Variants in SH3GL2 observed in about 807,000 individuals in gnomAD.
The protein encoded by SH3GL2 is endophilin-A1.
In SH3GL2, 24 loss-of-function variants were observed where a neutral mutation model predicts 46.0. The ratio of observed to expected loss-of-function variants is 0.52; its 90% CI spans 0.38 to 0.73. The LOEUF (loss-of-function observed/expected upper bound fraction) is 0.73. SH3GL2 is among the 30% of genes least tolerant of loss of function. SH3GL2 has a pLI of 0.00. For missense variants in SH3GL2, 413 were observed against 424.2 expected, an observed-to-expected ratio of 0.97 and a Z score of 0.23; for synonymous variants, 196 against 147.1, an observed-to-expected ratio of 1.33 and a Z score of -2.40.
chr9:17,741,131 T>G (rs1263337597), intron 1 of SH3GL2, among the ~76,000 whole-genome samples: 3 of 152,182 alleles, frequency 2.0e-5, no homozygotes, highest in Non-Finnish European at 4.4e-5. Flanking sequence ...TTTCTACTCT[T>G]AAAACCTATG....
intron 1 of SH3GL2, among the ~76,000 whole-genome samples, chr9:17,596,455 G>T (rs781645677): frequency 6.6e-6 from 1 of 151,982 alleles, no homozygotes. Flanking sequence ...GAGTGCTCCT[G>T]TAAGATGTTC....
intron 1 of SH3GL2, among the ~76,000 whole-genome samples, chr9:17,683,258 C>T (rs960088682): frequency 3.9e-5 from 6 of 152,090 alleles, no homozygotes; most frequent in Non-Finnish European, 7.4e-5. Context: ...CTACAGACCT[C>T]ACCTTGTGCT....
intron 3 of SH3GL2, among the ~76,000 whole-genome samples, chr9:17,769,348 A>C (rs920149701): frequency 6.6e-6 from 1 of 152,172 alleles, no homozygotes; most frequent in African/African-American, 2.4e-5. Context: ...ACTTTATGCA[A>C]CTTATGATTT....
At chr9:17,747,020 A>G (rs756383194) in intron 1 of SH3GL2, 46 bp from the exon 2 acceptor site, 1 of 1,298,104 alleles carries the variant, frequency 7.7e-7, no homozygotes, top group Non-Finnish European at 1.1e-6. Context: ...CACATTTTTT[A>G]AAGAAACTGT....
intron 1 of SH3GL2, among the ~76,000 whole-genome samples, chr9:17,633,643 G>C (rs1030665012): frequency 5.3e-5 from 8 of 152,130 alleles, no homozygotes; most frequent in Admixed American, 5.2e-4. Context: ...AATCAGATAT[G>C]TAGGATTCTA....
chr9:17,751,181 G>A (rs970788317), intron 2 of SH3GL2, among the ~76,000 whole-genome samples: 1 of 152,188 alleles, frequency 6.6e-6, no homozygotes, highest in Non-Finnish European at 1.5e-5. Flanking sequence ...TTCTTTTTAA[G>A]GAGCAACTTT....
chr9:17,582,538 C>G (rs1311636500), intron 1 of SH3GL2, among the ~76,000 whole-genome samples: 1 of 152,120 alleles, frequency 6.6e-6, no homozygotes, highest in East Asian at 1.9e-4. Context: ...CCTACAAAAT[C>G]TGTATTTTTA....
intron 1 of SH3GL2, among the ~76,000 whole-genome samples, chr9:17,705,110 G>A (rs1296924823): frequency 6.6e-6 from 1 of 150,982 alleles, no homozygotes; most frequent in East Asian, 1.9e-4. Flanking sequence ...TCAAAAGAAA[G>A]CATACATGTG....
chr9:17,677,706 T>C (rs964647929), intron 1 of SH3GL2, among the ~76,000 whole-genome samples: 25 of 152,116 alleles, frequency 1.6e-4, no homozygotes, highest in Non-Finnish European at 3.5e-4. Context: ...TGTATACATG[T>C]GCCATGTTGG....
chr9:17,793,674 A>G (rs376929022), intron 8 of SH3GL2, among the ~76,000 whole-genome samples, 177 bp downstream of exon 8: 236 of 152,116 alleles, frequency 1.6e-3, no homozygotes, highest in African/African-American at 5.2e-3. Context: ...TCTTTTTTTC[A>G]TTTACCTTTT....
chr9:17,778,566 A>G (rs779022441), intron 3 of SH3GL2, among the ~76,000 whole-genome samples: 14 of 152,130 alleles, frequency 9.2e-5, no homozygotes, highest in Non-Finnish European at 1.9e-4. Context: ...ACGTGGGAAC[A>G]CATTAAAGTG....
intron 1 of SH3GL2, among the ~76,000 whole-genome samples, chr9:17,619,073 TCAGCACTTTATGTGCAGTAA>T (rs1819070896): frequency 6.6e-6 from 1 of 152,220 alleles, no homozygotes; most frequent in Non-Finnish European, 1.5e-5. Context: ...GATACAATTC[TCAGCACTTTATGTGCAGTAA>T]CTAATTTAAT....
intron 3 of SH3GL2, among the ~76,000 whole-genome samples, chr9:17,782,326 A>G (rs1273139824): frequency 1.3e-5 from 2 of 152,102 alleles, no homozygotes; most frequent in Non-Finnish European, 2.9e-5. Context: ...TGATTCTGTG[A>G]GAGCACGTGA....
Position 17,679,441 on chromosome 9 carries a change from C to G in SH3GL2, c.46-67625C>G, listed in dbSNP as rs547020442. On this transcript the variant is annotated intron_variant, in intron 1 of 8. Coordinates refer to ENST00000380607, the MANE Select transcript of SH3GL2 (RefSeq NM_003026.5). Reference sequence around the variant, plus strand: ...TGATTTGGCTGTTTGTCTGTTTTTGCTGTATAAGAATGCTTGTGATTTTTG... The same window carrying G: ...TGATTTGGCTGTTTGTCTGTTTTTGGTGTATAAGAATGCTTGTGATTTTTG... Among the ~76,000 whole-genome samples, 24 of 152,092 alleles carry G rather than the reference C, an allele frequency of 1.6e-4. No individual in the cohort carries two copies. In the South Asian group the frequency reaches 2.7e-3, roughly 17 times the overall value.
At chr9:17,590,649 C>G (rs1818464678) in intron 1 of SH3GL2, 1 of 152,170 alleles carries the variant, frequency 6.6e-6, no homozygotes, top group Non-Finnish European at 1.5e-5. Flanking sequence ...CTCATCGTCC[C>G]TATGTTCTAG....
intron 1 of SH3GL2, among the ~76,000 whole-genome samples, chr9:17,649,523 G>A (rs931879564): frequency 1.3e-5 from 2 of 152,144 alleles, no homozygotes; most frequent in South Asian, 2.1e-4. Context: ...ATAAATCGAT[G>A]TTACCAAAGT....
chr9:17,755,714 T>G, intron 2 of SH3GL2: 54 of 879,360 alleles, frequency 6.1e-5, no homozygotes, highest in Non-Finnish European at 7.2e-5. Context: ...TATAATGTGG[T>G]ATCTAATAGT....
chr9:17,645,592 G>A (rs908605837), intron 1 of SH3GL2, among the ~76,000 whole-genome samples: 5 of 152,060 alleles, frequency 3.3e-5, no homozygotes, highest in African/African-American at 9.7e-5. Flanking sequence ...CTCAGCATTT[G>A]CTTGTCTGTA....
rs1358197647 is a variant in SH3GL2, at chr9:17,679,250, C to T, written c.46-67816C>T. Among the ~76,000 whole-genome samples, 35 of 152,174 alleles carry T rather than the reference C, an allele frequency of 2.3e-4. 1 individual carries two copies. ...TATGGCTATTTTCATGATATTGATT[C>T]TTCCTATCCATGAGCATGGAATGTT... On this transcript the variant is annotated intron_variant, in intron 1 of 8. Coordinates refer to ENST00000380607, the MANE Select transcript of SH3GL2 (RefSeq NM_003026.5).
Sources: gnomAD v4.1 joint callset for allele counts (sites outside exome capture counted in the v4.1 genomes callset) on GRCh38, gnomAD v4.1.1 for gene constraint, MANE v1.5 for transcripts, NCBI Gene and HGNC (gene_info 2026-07-23, HGNC 2026-07-21) for gene names.